The following KDM3B variants were observed in gnomAD, a reference collection of about 807,000 sequenced individuals.
KDM3B encodes lysine-specific demethylase 3B.
A neutral mutation model predicts 170.0 loss-of-function variants in KDM3B; 10 were observed. The ratio of observed to expected loss-of-function variants is 0.06; its 90% CI spans 0.04 to 0.10. The LOEUF is 0.10. KDM3B is among the 10% of genes least tolerant of loss of function. KDM3B has a pLI of 1.00. For missense variants in KDM3B, 1,394 were observed against 2,195.2 expected (o/e 0.64, Z 7.29); for synonymous variants, 831 against 834.8 (o/e 1.00, Z 0.08).
Position 138,386,161 on chromosome 5 carries a change from G to A in KDM3B, c.920G>A (p.Gly307Asp). ...TCAAAGAAATTAAAAGGAGACAGGG[G>A]TGAAGTAGACAGTAATGGGAGCGAT... ...PASKKLKGDRGEVDSNGSDGG... is the reference protein window; with the variant it reads ...PASKKLKGDRDEVDSNGSDGG... The change falls in exon 7 of 24, where the codon GGT (glycine) becomes GAT (aspartate). Residue 307 changes from glycine to aspartate, a missense_variant. By Grantham distance (94) the Gly-to-Asp change is moderately conservative (BLOSUM62 -1). This residue lies in a region of KDM3B where 205 missense variants were observed against 227.6 expected (regional missense o/e 0.90). Coordinates refer to ENST00000314358, the MANE Select transcript of KDM3B (RefSeq NM_016604.4). The A allele has an allele frequency of 3.7e-6, 6 of 1,614,174 alleles. No homozygotes were observed. The highest frequency in any genetic ancestry group is 5.1e-6 in the Non-Finnish European group (6 of 1,180,022).
intron 5 of KDM3B, 25 bp downstream of exon 5, chr5:138,379,733 A>G (rs746903617): frequency 1.9e-6 from 3 of 1,602,860 alleles, no homozygotes; most frequent in East Asian, 2.3e-5. Flanking sequence ...TATTCTGTCT[A>G]AGGTCCATCC....
At chr5:138,356,878 G>A (rs774662417) in intron 1 of KDM3B, among the ~76,000 whole-genome samples, 6 of 151,962 alleles carry the variant, frequency 3.9e-5, no homozygotes, top group Admixed American at 6.6e-5. Flanking sequence ...TCCTGACCTC[G>A]TGATCTGTGC....
intron 1 of KDM3B, among the ~76,000 whole-genome samples, chr5:138,366,850 A>G (rs1015008505): frequency 2.6e-5 from 4 of 152,274 alleles, no homozygotes; most frequent in African/African-American, 9.6e-5. Flanking sequence ...AATATAAACA[A>G]ACGAAAGAAC....
chr5:138,370,502 A>G (rs1007132294), intron 1 of KDM3B, among the ~76,000 whole-genome samples: 1 of 152,242 alleles, frequency 6.6e-6, no homozygotes, highest in Non-Finnish European at 1.5e-5. Context: ...ACAAACAAAA[A>G]AAAAGCCATT....
At chr5:138,389,083 T>C (rs1762356489) in intron 7 of KDM3B, among the ~76,000 whole-genome samples, 1 of 152,260 alleles carries the variant, frequency 6.6e-6, no homozygotes, top group Non-Finnish European at 1.5e-5. Flanking sequence ...CTTGCAGTCA[T>C]GCAGGTATCA....
intron 8 of KDM3B, 84 bp downstream of exon 8, chr5:138,392,345 A>C (rs536796077): frequency 7.6e-7 from 1 of 1,322,714 alleles, no homozygotes; most frequent in African/African-American, 1.5e-5. Flanking sequence ...AGAGGCACTC[A>C]CTTTGATGGA....
intron 9 of KDM3B, among the ~76,000 whole-genome samples, chr5:138,394,671 A>T (rs754508193): frequency 7.2e-5 from 11 of 152,214 alleles, no homozygotes; most frequent in African/African-American, 2.7e-4. Flanking sequence ...TGAGTTAATG[A>T]TGGGTCCACA....
intron 1 of KDM3B, among the ~76,000 whole-genome samples, chr5:138,368,041 G>T (rs1761785303): frequency 6.6e-6 from 1 of 151,276 alleles, no homozygotes. Flanking sequence ...ATCTCAAACT[G>T]TTTAACTGTT....
chr5:138,386,634 A>G lies in KDM3B; in HGVS notation c.1380+13A>G. On this transcript the variant is annotated intron_variant, in intron 7 of 23. Transcript: ENST00000314358. ...GGCCTCGGGAGAGGTGAGTTACTTCAGGGGCAGATTTGCAAGATTTGGGTT... is the reference window on the plus strand; with the variant it reads ...GGCCTCGGGAGAGGTGAGTTACTTCGGGGGCAGATTTGCAAGATTTGGGTT... The G allele has an allele frequency of 6.2e-7, 1 of 1,600,574 alleles. No individual in the cohort carries two copies. The highest frequency in any genetic ancestry group is 8.5e-7 in the Non-Finnish European group (1 of 1,170,464).
chr5:138,383,082 G>C (rs1762166054), intron 6 of KDM3B, among the ~76,000 whole-genome samples: 1 of 152,048 alleles, frequency 6.6e-6, no homozygotes, highest in Non-Finnish European at 1.5e-5. Flanking sequence ...GTATGTTGCT[G>C]TGAGCCAGGC....
At chr5:138,417,747 A>C in intron 13 of KDM3B, 137 bp downstream of exon 13, 1 of 843,546 alleles carries the variant, frequency 1.2e-6, no homozygotes, top group South Asian at 1.7e-5. Context: ...CTTTCTAGAG[A>C]GAGCTTAAAT....
chr5:138,419,317 C>T (rs1463964999), intron 14 of KDM3B, 85 bp downstream of exon 14: 8 of 1,419,356 alleles, frequency 5.6e-6, no homozygotes, highest in Non-Finnish European at 7.6e-6. Flanking sequence ...CATTACCATC[C>T]ACATTTATGA....
intron 1 of KDM3B, among the ~76,000 whole-genome samples, chr5:138,367,154 A>G (rs988250925): frequency 5.3e-5 from 8 of 152,170 alleles, no homozygotes; most frequent in Non-Finnish European, 1.0e-4. Context: ...TAGCCTATTC[A>G]GATCTTTATT....
In KDM3B at chr5:138,396,530, G is replaced by T. The variant is rs141039142; in HGVS notation, c.2832-1648G>T. Among the ~76,000 whole-genome samples the T allele has an allele frequency of 4.6e-5, 7 of 152,286 alleles. No homozygotes were observed. The East Asian group carries it at 1.3e-3, about 29-fold the overall frequency. On this transcript the variant is annotated intron_variant, in intron 9 of 23. Transcript: ENST00000314358. ...CAGTGATCTGATACAGAAGAAAATA[G>T]ATGATGTTGAAAAGAGAGGAGAGAT...
chr5:138,357,720 T>C lies in KDM3B; in HGVS notation c.192+4733T>C, dbSNP rs116565911. The stretch of plus-strand genomic sequence containing the variant: ...TACATCTGGAATTTATTTTTTTATT[T>C]TTATTTATTTATTTTTTTTGAGACG... On this transcript the variant is annotated intron_variant, in intron 1 of 23. Coordinates refer to ENST00000314358, the MANE Select transcript of KDM3B (RefSeq NM_016604.4). Among the ~76,000 whole-genome samples the C allele has an allele frequency of 9.7e-3, 1,475 of 152,138 alleles. 15 individuals carry two copies. Among genetic ancestry groups the C allele is most frequent in the South Asian group, 0.045 (216 of 4,832 alleles).
intron 16 of KDM3B, 30 bp from the exon 17 acceptor site, chr5:138,425,381 G>T (rs183944085): frequency 6.7e-5 from 107 of 1,607,290 alleles, no homozygotes; most frequent in Non-Finnish European, 7.8e-5. Flanking sequence ...TTCCTAGATT[G>T]CTCTGATTGG....
chr5:138,382,345 G>C (rs1762146499), intron 6 of KDM3B, among the ~76,000 whole-genome samples: 1 of 152,054 alleles, frequency 6.6e-6, no homozygotes, highest in Admixed American at 6.6e-5. Context: ...CCAGCTACTC[G>C]GGAGGCCGAG....
chr5:138,430,038 T>A (rs1580961350), intron 21 of KDM3B, 73 bp downstream of exon 21: 3 of 1,578,752 alleles, frequency 1.9e-6, no homozygotes, highest in Admixed American at 3.5e-5. Context: ...CTATCTAGGG[T>A]TTCTCATGTA....
intron 11 of KDM3B, among the ~76,000 whole-genome samples, chr5:138,405,496 A>G (rs1762794620): frequency 6.6e-6 from 1 of 151,570 alleles, no homozygotes; most frequent in African/African-American, 2.4e-5. Context: ...ACAGAGTAAG[A>G]CTCTGTCTTA....
Sources: allele counts gnomAD v4.1 joint callset (sites outside exome capture counted in the v4.1 genomes callset), GRCh38; gene constraint gnomAD v4.1.1; regional missense constraint gnomAD v4.1.1; transcripts MANE v1.5; gene names NCBI Gene and HGNC (gene_info 2026-07-23, HGNC 2026-07-21).